The following BMAL2 variants were observed in gnomAD, a reference collection of about 807,000 sequenced individuals.
The protein encoded by BMAL2 is basic helix-loop-helix ARNT-like protein 2.
the BMAL2 span, among the ~76,000 whole-genome samples, chr12:27,370,839 C>T: frequency 2.0e-5 from 3 of 152,048 alleles, no homozygotes; most frequent in Non-Finnish European, 2.9e-5. Flanking sequence ...CTCTTGACCT[C>T]GTGATCCACC....
the BMAL2 span, among the ~76,000 whole-genome samples, chr12:27,410,083 A>T: frequency 1.3e-5 from 2 of 151,732 alleles, no homozygotes; most frequent in Admixed American, 6.6e-5. Context: ...ATCATTAAAA[A>T]GTCAGGAAAC....
At chr12:27,409,254 C>T in the BMAL2 span, among the ~76,000 whole-genome samples, 1 of 152,118 alleles carries the variant, frequency 6.6e-6, no homozygotes, top group African/African-American at 2.4e-5. Context: ...CTTTAAAGTT[C>T]GTATGGAACC....
the BMAL2 span, among the ~76,000 whole-genome samples, chr12:27,416,472 G>A: frequency 1.6e-4 from 24 of 152,168 alleles, no homozygotes; most frequent in Middle Eastern, 6.8e-3. Context: ...ACAAATACTA[G>A]CTATTTGAAA....
the BMAL2 span, among the ~76,000 whole-genome samples, chr12:27,387,048 CTT>C: frequency 3.7e-3 from 563 of 152,298 alleles, 3 homozygotes; most frequent in African/African-American, 0.013. Context: ...ACTTGACACT[CTT>C]TATAAATCTG....
chr12:27,421,952 A>G, the BMAL2 span: 2 of 152,230 alleles, frequency 1.3e-5, no homozygotes, highest in African/African-American at 2.4e-5. Context: ...GCCTGTAACC[A>G]AAGGTAATAA....
chr12:27,373,113 A>G, the BMAL2 span, among the ~76,000 whole-genome samples: 2 of 152,352 alleles, frequency 1.3e-5, 1 homozygote. Context: ...AGAGAGAACA[A>G]CAGAGAATAG....
chr12:27,383,705 C>A, the BMAL2 span, among the ~76,000 whole-genome samples: 1 of 152,246 alleles, frequency 6.6e-6, no homozygotes, highest in South Asian at 2.1e-4. Flanking sequence ...ACCTAGCACT[C>A]AGAGTCTGCG....
chr12:27,385,554 C>A, the BMAL2 span: 1 of 1,576,514 alleles, frequency 6.3e-7, no homozygotes, highest in Middle Eastern at 1.7e-4. Context: ...GACATTTAAT[C>A]CTTAAGGTAA....
the BMAL2 span, among the ~76,000 whole-genome samples, chr12:27,396,320 G>C: frequency 6.6e-6 from 1 of 152,328 alleles, no homozygotes; most frequent in South Asian, 2.1e-4. Context: ...AGAGAAAGGA[G>C]TGAGTGAATA....
the BMAL2 span, among the ~76,000 whole-genome samples, chr12:27,348,378 A>C: frequency 1.3e-5 from 2 of 152,196 alleles, no homozygotes; most frequent in African/African-American, 4.8e-5. Flanking sequence ...GATAGATATA[A>C]TCTGAATCCA....
the BMAL2 span, among the ~76,000 whole-genome samples, chr12:27,364,861 G>T: frequency 6.6e-6 from 1 of 151,928 alleles, no homozygotes; most frequent in African/African-American, 2.4e-5. Flanking sequence ...ACATTTATTA[G>T]ATTTATTCTT....
the BMAL2 span, among the ~76,000 whole-genome samples, chr12:27,414,794 G>T: frequency 6.6e-6 from 1 of 152,036 alleles, no homozygotes; most frequent in Non-Finnish European, 1.5e-5. Flanking sequence ...GAAACAGATT[G>T]AATCAAGATT....
chr12:27,350,840 T>C, the BMAL2 span, among the ~76,000 whole-genome samples: 10 of 151,316 alleles, frequency 6.6e-5, no homozygotes, highest in African/African-American at 2.4e-4. Flanking sequence ...CCACCACGCC[T>C]GGCTAATTTT....
chr12:27,403,196 G>C, the BMAL2 span, among the ~76,000 whole-genome samples: 1 of 152,148 alleles, frequency 6.6e-6, no homozygotes, highest in African/African-American at 2.4e-5. Context: ...TATTGCTGTG[G>C]AGATTAAAGT....
chr12:27,363,685 G>A, the BMAL2 span, among the ~76,000 whole-genome samples: 4 of 152,058 alleles, frequency 2.6e-5, no homozygotes, highest in Admixed American at 2.6e-4. Flanking sequence ...TTGATTCAAA[G>A]CCATTCTTTA....
chr12:27,345,366 G>GT, the BMAL2 span, among the ~76,000 whole-genome samples: 96 of 152,060 alleles, frequency 6.3e-4, no homozygotes, highest in African/African-American at 2.0e-3. Context: ...TTTAAGTTCT[G>GT]TTTTTTTTAT....
chr12:27,413,310 A>G, the BMAL2 span, among the ~76,000 whole-genome samples: 4 of 152,352 alleles, frequency 2.6e-5, no homozygotes, highest in South Asian at 6.2e-4. Context: ...ATTAAAAATA[A>G]TTATAGCTAC....
At chr12:27,381,447 G>A in the BMAL2 span, among the ~76,000 whole-genome samples, 1 of 152,174 alleles carries the variant, frequency 6.6e-6, no homozygotes, top group East Asian at 1.9e-4. Flanking sequence ...AGAAGGCAAA[G>A]TGGGAGCCGG....
At chr12:27,420,289 C>A in the BMAL2 span, 1 of 1,440,264 alleles carries the variant, frequency 6.9e-7, no homozygotes, top group South Asian at 1.2e-5. Context: ...GTTTTCTAGC[C>A]TTGCTTTGCC....
Sources: allele counts gnomAD v4.1 joint callset (sites outside exome capture counted in the v4.1 genomes callset), GRCh38; gene constraint gnomAD v4.1.1; transcripts MANE v1.5; gene names NCBI Gene and HGNC (gene_info 2026-07-23, HGNC 2026-07-21).